Variants in XPR1 observed in about 807,000 individuals in gnomAD.
XPR1 encodes the protein solute carrier family 53 member 1.
In XPR1, 28 loss-of-function variants were observed where a neutral mutation model predicts 87.5. The ratio of observed to expected loss-of-function variants is 0.32; its 90% confidence interval spans 0.24 to 0.44. The LOEUF (loss-of-function observed/expected upper bound fraction) is 0.44. XPR1 is among the 20% of genes least tolerant of loss of function. The pLI, the probability that XPR1 is intolerant of heterozygous loss-of-function variation, is 1.00. For synonymous variants in XPR1, 300 were observed against 306.1 expected, an observed-to-expected ratio of 0.98 and a Z score of 0.21; for missense variants, 559 against 862.3, an observed-to-expected ratio of 0.65 and a Z score of 4.41.
intron 6 of XPR1, 23 bp from the exon 7 acceptor site, chr1:180,811,384 A>G: frequency 6.2e-7 from 1 of 1,601,280 alleles, no homozygotes; most frequent in Non-Finnish European, 8.6e-7. Flanking sequence ...TCCTGTACTC[A>G]AATACTATTT....
At chr1:180,795,961 C>T (rs1442660612) in intron 3 of XPR1, among the ~76,000 whole-genome samples, 1 of 152,136 alleles carries the variant, frequency 6.6e-6, no homozygotes, top group African/African-American at 2.4e-5. Context: ...TGCCCACCAG[C>T]ACACCTGGCT....
intron 2 of XPR1, among the ~76,000 whole-genome samples, chr1:180,745,391 C>T (rs73034891): frequency 0.017 from 2,548 of 152,102 alleles, 79 homozygotes; most frequent in African/African-American, 0.056. Flanking sequence ...CAAGAGAGTC[C>T]GAGAACGAGA....
rs114831049 is a variant in XPR1 at position 180,721,949 on chromosome 1, T to C, written c.121+39538T>C. On this transcript the variant is annotated intron_variant, in intron 2 of 14. Coordinates refer to ENST00000367590, the MANE Select transcript of XPR1 (RefSeq NM_004736.4). The stretch of plus-strand genomic sequence containing the variant: ...TGGTCAGCAGAAGGGTATTAGTAGT[T>C]AAGTTTTTGGAGAGTCAAAAGATGT... Among the ~76,000 whole-genome samples the C allele has an allele frequency of 4.6e-3, 694 of 152,238 alleles. 12 individuals carry two copies. Among genetic ancestry groups the C allele is most frequent in the African/African-American group, 0.016 (671 of 41,544 alleles).
intron 1 of XPR1, among the ~76,000 whole-genome samples, chr1:180,644,485 CATCT>C: frequency 6.7e-6 from 1 of 149,806 alleles, no homozygotes; most frequent in South Asian, 2.1e-4. Context: ...TCTATCTTCT[CATCT>C]ATTGTATGTG....
At chr1:180,697,180 TTC>T (rs1293813580) in intron 2 of XPR1, among the ~76,000 whole-genome samples, 1 of 152,210 alleles carries the variant, frequency 6.6e-6, no homozygotes, top group Non-Finnish European at 1.5e-5. Context: ...TTTTCAGGTT[TTC>T]TGTTTCTTCC....
At chr1:180,648,877 C>G (rs1433233749) in intron 1 of XPR1, among the ~76,000 whole-genome samples, 1 of 152,176 alleles carries the variant, frequency 6.6e-6, no homozygotes, top group Non-Finnish European at 1.5e-5. Flanking sequence ...CTGATTACAT[C>G]TGTTCCTTTC....
At chr1:180,652,486 C>G (rs548098377) in intron 1 of XPR1, among the ~76,000 whole-genome samples, 2 of 152,332 alleles carry the variant, frequency 1.3e-5, no homozygotes, top group African/African-American at 2.4e-5. Flanking sequence ...TCTGTCTGAT[C>G]TGCTCCAGCC....
intron 2 of XPR1, among the ~76,000 whole-genome samples, chr1:180,721,735 A>G (rs541572729): frequency 7.9e-5 from 12 of 152,346 alleles, no homozygotes; most frequent in African/African-American, 2.6e-4. Flanking sequence ...CCTTTTCCTC[A>G]GCATATTCAA....
intron 9 of XPR1, among the ~76,000 whole-genome samples, chr1:180,828,623 T>A (rs554855069): frequency 2.0e-5 from 3 of 152,342 alleles, no homozygotes; most frequent in African/African-American, 7.2e-5. Context: ...AGAGAGGTGT[T>A]GTCATTTAGT....
chr1:180,692,219 A>T (rs890128296), intron 2 of XPR1, among the ~76,000 whole-genome samples: 2 of 152,044 alleles, frequency 1.3e-5, no homozygotes, highest in African/African-American at 4.8e-5. Flanking sequence ...CTAGTCATTT[A>T]TTGTCTCTGC....
chr1:180,637,050 CAAAAAAAAA>C (rs34479247), intron 1 of XPR1, among the ~76,000 whole-genome samples: 1 of 81,602 alleles, frequency 1.2e-5, no homozygotes, highest in Non-Finnish European at 2.3e-5. Context: ...GACTTCATCT[CAAAAAAAAA>C]AAAAAAAAAA....
intron 9 of XPR1, among the ~76,000 whole-genome samples, chr1:180,830,931 T>G (rs74135839): frequency 0.26 from 39,621 of 151,642 alleles, 5,230 homozygotes; most frequent in Middle Eastern, 0.3. Flanking sequence ...AGTTCCTAGC[T>G]CATGGAATTG....
chr1:180,744,654 C>CTTTTTTTTT (rs71121048), intron 2 of XPR1, among the ~76,000 whole-genome samples: 11 of 102,388 alleles, frequency 1.1e-4, no homozygotes, highest in Non-Finnish European at 1.5e-4. Context: ...CAATTTCTTT[C>CTTTTTTTTT]TTTTTTTTTT....
chr1:180,825,332 G>T lies in XPR1; in HGVS notation c.1122G>T (p.Leu374=). 6.2e-7 allele frequency: 1 copy of T among 1,611,970 alleles called. No individual in the cohort carries two copies. The highest frequency in any genetic ancestry group is 8.5e-7 in the Non-Finnish European group (1 of 1,179,298). ...TCTACTATAAATCCCGGTTTTGGCTGCTTAAACTGCTGGTAAGTCCAGAAA... is the reference window on the plus strand; with the variant it reads ...TCTACTATAAATCCCGGTTTTGGCTTCTTAAACTGCTGGTAAGTCCAGAAA... The part of the protein sequence containing the change: ...KTFYYKSRFW[L]LKLLFRVFTA... Residue 374 remains leucine, a synonymous_variant, in exon 9 of 15, where the codon CTG becomes CTT. Transcript: ENST00000367590.
At chr1:180,785,141 C>A (rs1464089794) in intron 2 of XPR1, among the ~76,000 whole-genome samples, 1 of 151,152 alleles carries the variant, frequency 6.6e-6, no homozygotes, top group African/African-American at 2.4e-5. Flanking sequence ...ATAAAACAAT[C>A]TCTCTCTCTC....
chr1:180,853,137 A>C (rs1486939505), intron 11 of XPR1, among the ~76,000 whole-genome samples: 1 of 152,086 alleles, frequency 6.6e-6, no homozygotes, highest in Non-Finnish European at 1.5e-5. Flanking sequence ...CACGTTAGCC[A>C]AGCTGGTCTT....
intron 1 of XPR1, among the ~76,000 whole-genome samples, chr1:180,665,833 A>G (rs1225107759): frequency 1.3e-5 from 2 of 152,156 alleles, no homozygotes; most frequent in Non-Finnish European, 2.9e-5. Context: ...TACTGTGTTT[A>G]CTCAACTGAT....
intron 3 of XPR1, among the ~76,000 whole-genome samples, chr1:180,789,356 T>C (rs1180773369): frequency 6.6e-6 from 1 of 152,194 alleles, no homozygotes; most frequent in Non-Finnish European, 1.5e-5. Flanking sequence ...CACTGTACTT[T>C]AGCCCCATAC....
intron 1 of XPR1, among the ~76,000 whole-genome samples, chr1:180,661,515 GTGT>G (rs1655779001): frequency 9.1e-6 from 1 of 110,340 alleles, no homozygotes; most frequent in Non-Finnish European, 2.0e-5. Flanking sequence ...GTGTGTGTGT[GTGT>G]GGTATGTTTT....
Sources: gnomAD v4.1 joint callset for allele counts (sites outside exome capture counted in the v4.1 genomes callset) on GRCh38, gnomAD v4.1.1 for gene constraint, MANE v1.5 for transcripts, NCBI Gene and HGNC (gene_info 2026-07-23, HGNC 2026-07-21) for gene names.